The following MTMR7 variants were observed in gnomAD, a reference collection of about 807,000 sequenced individuals.
MTMR7 encodes phosphatidylinositol-3-phosphate phosphatase MTMR7.
A neutral mutation model predicts 81.2 loss-of-function variants in MTMR7; 76 were observed. The ratio of observed to expected loss-of-function variants is 0.94; its 90% CI spans 0.78 to 1.13. The LOEUF (loss-of-function observed/expected upper bound fraction) is 1.13. MTMR7 is among the 50% of genes most tolerant of loss of function. The pLI is 0.00. For synonymous variants in MTMR7, 372 were observed against 289.8 expected (o/e 1.28, Z -2.88); for missense variants, 1,044 against 820.0 (o/e 1.27, Z -3.34).
At chr8:17,327,421 C>G (rs1284230089) in intron 7 of MTMR7, among the ~76,000 whole-genome samples, 1 of 149,488 alleles carries the variant, frequency 6.7e-6, no homozygotes, top group Admixed American at 6.7e-5. Context: ...CAGGCACACA[C>G]CACCACGCCT....
rs752295738 is a variant in MTMR7 at position 17,413,307 on chromosome 8, T to C, written c.-15A>G. The C allele has an allele frequency of 7.1e-6, 11 of 1,540,450 alleles. No homozygotes were observed. Among genetic ancestry groups the C allele is most frequent in the South Asian group, 1.2e-5 (1 of 83,464 alleles). On this transcript the variant is annotated 5_prime_UTR_variant, in exon 1 of 14. Coordinates refer to ENST00000180173, the MANE Select transcript of MTMR7 (RefSeq NM_004686.5). ...ATGTGCTCCATGGCTGGCCCACGTCTGCAGGGTCCCGGGCGGGCGCGGCCT... is the reference window on the plus strand; with the variant it reads ...ATGTGCTCCATGGCTGGCCCACGTCCGCAGGGTCCCGGGCGGGCGCGGCCT...
chr8:17,302,682 T>G (rs1817194370), intron 12 of MTMR7, among the ~76,000 whole-genome samples: 1 of 137,634 alleles, frequency 7.3e-6, no homozygotes, highest in Admixed American at 7.8e-5. Context: ...CCACTAAAAG[T>G]TGACATTTGC....
intron 6 of MTMR7, among the ~76,000 whole-genome samples, 157 bp from the exon 7 acceptor site, chr8:17,331,439 C>T (rs1483390909): frequency 6.6e-6 from 1 of 152,234 alleles, no homozygotes; most frequent in African/African-American, 2.4e-5. Context: ...TACTGAACTA[C>T]ATAGCTTCAG....
chr8:17,406,189 A>C (rs952078754), intron 1 of MTMR7, among the ~76,000 whole-genome samples: 9 of 152,220 alleles, frequency 5.9e-5, no homozygotes, highest in African/African-American at 2.2e-4. Context: ...GTGCTTCAAG[A>C]GACATCAAAA....
intron 13 of MTMR7, among the ~76,000 whole-genome samples, chr8:17,300,598 C>A (rs1329191968): frequency 6.6e-6 from 1 of 152,176 alleles, no homozygotes; most frequent in Non-Finnish European, 1.5e-5. Context: ...TATCATCTAA[C>A]TTTTATACTG....
At chr8:17,394,803 T>C (rs1477873137) in intron 1 of MTMR7, among the ~76,000 whole-genome samples, 1 of 148,788 alleles carries the variant, frequency 6.7e-6, no homozygotes, top group African/African-American at 2.4e-5. Context: ...ACTGTCATGC[T>C]AATAGTTGAT....
At chr8:17,400,678 C>A (rs1821400502) in intron 1 of MTMR7, among the ~76,000 whole-genome samples, 1 of 152,142 alleles carries the variant, frequency 6.6e-6, no homozygotes, top group Admixed American at 6.5e-5. Context: ...ATCTAATTGT[C>A]AGACTTTTAT....
At chr8:17,334,452 A>G (rs937669893) in intron 6 of MTMR7, among the ~76,000 whole-genome samples, 1 of 152,252 alleles carries the variant, frequency 6.6e-6, no homozygotes, top group Non-Finnish European at 1.5e-5. Flanking sequence ...TCTCAAGTAG[A>G]TAAAGCAATA....
At chr8:17,388,083 C>T (rs901926876) in intron 1 of MTMR7, among the ~76,000 whole-genome samples, 2 of 152,074 alleles carry the variant, frequency 1.3e-5, no homozygotes, top group Admixed American at 6.5e-5. Context: ...CATTTTTGCT[C>T]AGGAGAAATT....
rs547519136 is a variant in MTMR7 at position 17,407,415 on chromosome 8, G to A, written c.24+5854C>T. 3.7e-4 allele frequency among the ~76,000 whole-genome samples: 56 copies of A among 152,170 alleles called. 1 individual carries two copies. The highest frequency in any genetic ancestry group is 1.2e-3 in the African/African-American group (50 of 41,538). On this transcript the variant is annotated intron_variant, in intron 1 of 13. Coordinates refer to ENST00000180173, the MANE Select transcript of MTMR7 (RefSeq NM_004686.5). ...AGTGTTAAATGACATAACGTTTTCGGAAAGTCATTTGGTAATATATACCAA... is the reference window on the plus strand; with the variant it reads ...AGTGTTAAATGACATAACGTTTTCGAAAAGTCATTTGGTAATATATACCAA...
chr8:17,398,633 T>G (rs1376180745), intron 1 of MTMR7, among the ~76,000 whole-genome samples: 1 of 152,062 alleles, frequency 6.6e-6, no homozygotes, highest in African/African-American at 2.4e-5. Flanking sequence ...GAATATAAAG[T>G]GTATTCAAAG....
intron 7 of MTMR7, among the ~76,000 whole-genome samples, chr8:17,327,103 C>G (rs1392350492): frequency 6.6e-6 from 1 of 152,256 alleles, no homozygotes; most frequent in Middle Eastern, 3.4e-3. Flanking sequence ...TACATATTCT[C>G]CCATGTTAGT....
At chr8:17,337,556 A>T (rs75655277) in intron 6 of MTMR7, among the ~76,000 whole-genome samples, 3 of 151,442 alleles carry the variant, frequency 2.0e-5, no homozygotes, top group African/African-American at 7.3e-5. Context: ...GAAGAGTATA[A>T]TTTTTTTTTG....
intron 1 of MTMR7, among the ~76,000 whole-genome samples, chr8:17,410,549 C>CG (rs1020705136): frequency 1.3e-5 from 2 of 151,994 alleles, no homozygotes; most frequent in African/African-American, 4.8e-5. Context: ...TGGTGTCCCC[C>CG]CTTTAACCCA....
chr8:17,312,565 A>C, intron 8 of MTMR7, among the ~76,000 whole-genome samples: 2 of 102,128 alleles, frequency 2.0e-5, no homozygotes, highest in South Asian at 4.2e-4. Context: ...ACAGAGCGAG[A>C]CTCCCTCTCA....
intron 1 of MTMR7, among the ~76,000 whole-genome samples, chr8:17,394,133 T>C (rs1022842959): frequency 3.9e-5 from 6 of 152,174 alleles, no homozygotes; most frequent in African/African-American, 1.4e-4. Flanking sequence ...TGGAAAACTG[T>C]TAGCCTCTCA....
intron 13 of MTMR7, chr8:17,301,729 C>G (rs1380194521): frequency 1.1e-5 from 2 of 175,028 alleles, no homozygotes; most frequent in Non-Finnish European, 1.2e-5. Context: ...AAAGATAAGA[C>G]TTTACAGTCA....
chr8:17,360,079 C>T (rs1820014322), intron 4 of MTMR7, among the ~76,000 whole-genome samples: 1 of 152,128 alleles, frequency 6.6e-6, no homozygotes, highest in South Asian at 2.1e-4. Flanking sequence ...TTATTTGATA[C>T]AGCCATACTT....
At chr8:17,402,676 G>C (rs1489087903) in intron 1 of MTMR7, among the ~76,000 whole-genome samples, 1 of 152,168 alleles carries the variant, frequency 6.6e-6, no homozygotes, top group Non-Finnish European at 1.5e-5. Flanking sequence ...TGGCCACTTA[G>C]TTTGCTTCCA....
Sources: allele counts gnomAD v4.1 joint callset (sites outside exome capture counted in the v4.1 genomes callset), GRCh38; gene constraint gnomAD v4.1.1; transcripts MANE v1.5; gene names NCBI Gene and HGNC (gene_info 2026-07-23, HGNC 2026-07-21).